PARD3B: variants seen among roughly 807,000 people sequenced by gnomAD.
PARD3B encodes the protein partitioning defective 3 homolog B.
A neutral mutation model predicts 130.2 loss-of-function variants in PARD3B; 103 were observed. That is an observed-to-expected ratio of 0.79 (90% CI 0.67 to 0.93). PARD3B has a LOEUF of 0.93. Among genes scored for constraint, PARD3B ranks in the 40% least tolerant of loss-of-function variants. The probability of loss-of-function intolerance (pLI) is 0.00; values close to 1 mark genes in which losing one functional copy is unlikely to be tolerated. For synonymous variants in PARD3B, 583 were observed against 553.2 expected, an observed-to-expected ratio of 1.05 and a Z score of -0.76; for missense variants, 1,609 against 1,499.2, an observed-to-expected ratio of 1.07 and a Z score of -1.21.
intron 1 of PARD3B, among the ~76,000 whole-genome samples, chr2:204,668,116 C>T (rs953915747): frequency 7.2e-5 from 11 of 152,070 alleles, no homozygotes; most frequent in African/African-American, 2.7e-4. Flanking sequence ...ATCATTTCCC[C>T]AATCTGAAAG....
At chr2:204,852,590 G>C in intron 2 of PARD3B, among the ~76,000 whole-genome samples, 1 of 152,068 alleles carries the variant, frequency 6.6e-6, no homozygotes, top group East Asian at 1.9e-4. Context: ...TTAACCAGTG[G>C]ATTTCTAGGG....
At chr2:204,778,146 C>CAA (rs35683519) in intron 2 of PARD3B, among the ~76,000 whole-genome samples, 8,508 of 109,222 alleles carry the variant, frequency 0.078, 377 homozygotes, top group African/African-American at 0.13. Flanking sequence ...CACCCTCTAT[C>CAA]AAAAAAAAAA....
chr2:205,131,836 T>G (rs919807080), intron 10 of PARD3B, among the ~76,000 whole-genome samples: 5 of 152,080 alleles, frequency 3.3e-5, no homozygotes, highest in African/African-American at 9.7e-5. Flanking sequence ...TTGAATAAGT[T>G]TGGAGGGGAA....
In PARD3B at chr2:204,891,179, T is replaced by A. The variant is rs552676056; in HGVS notation, c.223-73973T>A. 5.2e-3 allele frequency among the ~76,000 whole-genome samples: 770 copies of A among 149,006 alleles called. 9 individuals carry two copies. Among genetic ancestry groups the A allele is most frequent in the African/African-American group, 0.017 (697 of 40,356 alleles). ...TGCACGCTGTGTGTTTTCTCTTAAG[T>A]CCTTTTCTTTTTTTTTTTTTTTTAA... On this transcript the variant is annotated intron_variant, in intron 2 of 22. Transcript: ENST00000406610.
intron 2 of PARD3B, among the ~76,000 whole-genome samples, chr2:204,891,186 CTTTT>C (rs57462873): frequency 2.2e-5 from 3 of 138,480 alleles, no homozygotes; most frequent in Admixed American, 7.3e-5. Flanking sequence ...AAGTCCTTTT[CTTTT>C]TTTTTTTTTT....
At chr2:204,860,367 C>G (rs1352835462) in intron 2 of PARD3B, among the ~76,000 whole-genome samples, 1 of 152,206 alleles carries the variant, frequency 6.6e-6, no homozygotes, top group African/African-American at 2.4e-5. Flanking sequence ...TCTGGTGAGA[C>G]AGCCATTTGA....
intron 20 of PARD3B, among the ~76,000 whole-genome samples, chr2:205,491,412 G>A (rs1306716876): frequency 6.6e-6 from 1 of 152,062 alleles, no homozygotes; most frequent in Non-Finnish European, 1.5e-5. Flanking sequence ...AAGATCAGAT[G>A]GTTGTAGATA....
rs143385728 is a variant in PARD3B at position 205,077,025 on chromosome 2, G to A, written c.505-27401G>A. On this transcript the variant is annotated intron_variant, in intron 4 of 22. Transcript: ENST00000406610. ...AGACATTGTGAGAAATACTCACTGC[G>A]TCACAACTCATTAATAGCAACAAAG... Among the ~76,000 whole-genome samples the A allele has an allele frequency of 7.2e-5, 11 of 152,212 alleles. No individual in the cohort carries two copies. The East Asian group carries it at 9.7e-4, about 13-fold the overall frequency.
chr2:205,212,889 A>C (rs1414516147), intron 15 of PARD3B, among the ~76,000 whole-genome samples: 1 of 152,212 alleles, frequency 6.6e-6, no homozygotes, highest in East Asian at 1.9e-4. Flanking sequence ...GAAAAGCATT[A>C]GTAGTAACTG....
chr2:204,734,000 G>A (rs537858281), intron 2 of PARD3B, among the ~76,000 whole-genome samples: 1 of 152,202 alleles, frequency 6.6e-6, no homozygotes, highest in African/African-American at 2.4e-5. Flanking sequence ...GCCAAAGACT[G>A]GGAGAAAATA....
rs1317050616 is a variant in PARD3B at position 204,762,922 on chromosome 2, G to A, written c.222+76640G>A. Reference sequence around the variant, plus strand: ...ATTATAGGCATATGCCACCATGCCCGGCTAATTTTGTATTTGTAGTAGAGA... The same window carrying A: ...ATTATAGGCATATGCCACCATGCCCAGCTAATTTTGTATTTGTAGTAGAGA... On this transcript the variant is annotated intron_variant, in intron 2 of 22. Transcript: ENST00000406610. Among the ~76,000 whole-genome samples the A allele has an allele frequency of 4.6e-5, 7 of 151,886 alleles. No individual in the cohort carries two copies. In the East Asian group the frequency reaches 1.2e-3, roughly 25 times the overall value.
At chr2:205,086,121 G>A (rs187292330) in intron 4 of PARD3B, among the ~76,000 whole-genome samples, 2 of 152,318 alleles carry the variant, frequency 1.3e-5, no homozygotes, top group East Asian at 3.9e-4. Flanking sequence ...ACTCAGTATA[G>A]TTTCCAGCCT....
chr2:204,836,285 C>G (rs925373450), intron 2 of PARD3B, among the ~76,000 whole-genome samples: 2 of 152,090 alleles, frequency 1.3e-5, no homozygotes, highest in Non-Finnish European at 2.9e-5. Context: ...TTTTACATCT[C>G]TACAAGTAAA....
chr2:205,107,207 T>G (rs2125583216), intron 5 of PARD3B, among the ~76,000 whole-genome samples: 1 of 152,346 alleles, frequency 6.6e-6, no homozygotes, highest in Middle Eastern at 3.4e-3. Flanking sequence ...AATGTCAGTT[T>G]CCCCTTATTC....
intron 2 of PARD3B, among the ~76,000 whole-genome samples, chr2:204,720,957 A>C: frequency 6.6e-6 from 1 of 152,106 alleles, no homozygotes; most frequent in East Asian, 1.9e-4. Context: ...AATGAGATTC[A>C]TATAAGGAAC....
intron 2 of PARD3B, among the ~76,000 whole-genome samples, chr2:204,798,095 G>A (rs1312379838): frequency 1.3e-5 from 2 of 152,240 alleles, no homozygotes; most frequent in African/African-American, 2.4e-5. Flanking sequence ...AATCAGGCGA[G>A]CAATCCCACT....
chr2:204,650,312 G>A (rs910337138), intron 1 of PARD3B, among the ~76,000 whole-genome samples: 3 of 152,122 alleles, frequency 2.0e-5, no homozygotes, highest in Non-Finnish European at 4.4e-5. Context: ...CTGTAAACTG[G>A]TTCAACCATT....
At chr2:204,712,613 C>CAAAAAAAA (rs1253142601) in intron 2 of PARD3B, among the ~76,000 whole-genome samples, 2 of 47,616 alleles carry the variant, frequency 4.2e-5, no homozygotes, top group African/African-American at 6.7e-5. Flanking sequence ...GACCCCATCT[C>CAAAAAAAA]AAAAAAAAAA....
At chr2:205,583,418 TGAGAGAGA>T (rs60619288) in intron 22 of PARD3B, among the ~76,000 whole-genome samples, 3 of 151,378 alleles carry the variant, frequency 2.0e-5, no homozygotes, top group South Asian at 2.1e-4. Context: ...CACGCGCGTG[TGAGAGAGA>T]GAGAGAGAGA....
Sources: allele counts gnomAD v4.1 joint callset (sites outside exome capture counted in the v4.1 genomes callset), GRCh38; gene constraint gnomAD v4.1.1; transcripts MANE v1.5; gene names NCBI Gene and HGNC (gene_info 2026-07-23, HGNC 2026-07-21).